Variants in MMRN1 observed in about 807,000 individuals in gnomAD.
MMRN1 encodes the protein multimerin 1, also known as multimerin-1.
Under a neutral mutation model 100.7 loss-of-function variants are expected in MMRN1, and 94 were observed. The ratio of observed to expected loss-of-function variants is 0.93; its 90% CI spans 0.79 to 1.11. MMRN1 has a LOEUF of 1.11. MMRN1 is among the 50% of genes least tolerant of loss of function. MMRN1 has a pLI of 0.00. For synonymous variants in MMRN1, 575 were observed against 505.0 expected, an observed-to-expected ratio of 1.14 and a Z score of -1.86; for missense variants, 1,606 against 1,439.1, an observed-to-expected ratio of 1.12 and a Z score of -1.88.
At chr4:89,899,122 A>T (rs1023176344) in intron 1 of MMRN1, among the ~76,000 whole-genome samples, 1 of 152,032 alleles carries the variant, frequency 6.6e-6, no homozygotes, top group South Asian at 2.1e-4. Context: ...ATTCTTAGTA[A>T]AAGGCGTATT....
intron 1 of MMRN1, among the ~76,000 whole-genome samples, chr4:89,884,243 T>A (rs543711993): frequency 2.6e-5 from 4 of 152,276 alleles, no homozygotes; most frequent in Admixed American, 1.3e-4. Flanking sequence ...AACAAAAATC[T>A]GCTAAGATTA....
chr4:89,924,369 A>T (rs1011876863), intron 4 of MMRN1, among the ~76,000 whole-genome samples: 1 of 152,152 alleles, frequency 6.6e-6, no homozygotes, highest in African/African-American at 2.4e-5. Flanking sequence ...CTAAGCTATT[A>T]TACTACTCTT....
rs1431944476 is a variant in MMRN1 at position 89,935,773 on chromosome 4, G to C, written c.2093G>C (p.Arg698Thr). Residue 698 changes from arginine (R) to threonine (T), a missense_variant, in exon 6 of 8, where the codon AGA becomes ACA. Coordinates refer to ENST00000264790, the MANE Select transcript of MMRN1 (RefSeq NM_007351.3). ...TTTATTATCAAAGAACTTACAAAAA[G>C]ACACAACTTACTTAGAAATGAAGTA... is the stretch of plus-strand genomic sequence containing the variant. The part of the protein sequence containing the change: ...LNFIIKELTK[R>T]HNLLRNEVQG... The C allele has an allele frequency of 1.2e-6, 2 of 1,612,540 alleles. No individual in the cohort carries two copies. Among genetic ancestry groups the C allele is most frequent in the South Asian group, 2.2e-5 (2 of 90,742 alleles).
intron 4 of MMRN1, among the ~76,000 whole-genome samples, chr4:89,923,822 A>C (rs982026604): frequency 2.6e-5 from 4 of 152,192 alleles, no homozygotes; most frequent in African/African-American, 9.7e-5. Flanking sequence ...TTTTACAAAC[A>C]TAAGGTTGGT....
At chr4:89,928,956 TA>T (rs1381446357) in intron 5 of MMRN1, among the ~76,000 whole-genome samples, 1 of 151,968 alleles carries the variant, frequency 6.6e-6, no homozygotes, top group African/African-American at 2.4e-5. Flanking sequence ...GTATAGTGAG[TA>T]ATTGTTATGA....
At chr4:89,914,205 A>G (rs1305110613) in intron 3 of MMRN1, among the ~76,000 whole-genome samples, 1 of 151,474 alleles carries the variant, frequency 6.6e-6, no homozygotes, top group African/African-American at 2.4e-5. Flanking sequence ...CAGCTCAGGA[A>G]TAAATTGGAG....
intron 3 of MMRN1, among the ~76,000 whole-genome samples, chr4:89,922,017 A>G (rs1250329628): frequency 6.6e-6 from 1 of 152,184 alleles, no homozygotes; most frequent in Non-Finnish European, 1.5e-5. Context: ...TAATGGATAA[A>G]TTTGTTTGTT....
intron 6 of MMRN1, among the ~76,000 whole-genome samples, chr4:89,949,211 C>G: frequency 6.6e-6 from 1 of 152,168 alleles, no homozygotes; most frequent in East Asian, 1.9e-4. Context: ...TTCTTAAGTT[C>G]TCCTTATAGC....
intron 1 of MMRN1, among the ~76,000 whole-genome samples, chr4:89,898,588 T>G (rs1721283580): frequency 6.6e-6 from 1 of 151,834 alleles, no homozygotes; most frequent in Admixed American, 6.6e-5. Context: ...GATGCCATCC[T>G]AGATCTGCCT....
intron 1 of MMRN1, among the ~76,000 whole-genome samples, chr4:89,888,513 TA>T (rs1340042753): frequency 6.6e-6 from 1 of 151,876 alleles, no homozygotes; most frequent in Non-Finnish European, 1.5e-5. Context: ...TATAAATCTT[TA>T]AAAAATTATC....
chr4:89,924,394 C>G (rs553788136), intron 4 of MMRN1, among the ~76,000 whole-genome samples: 7 of 152,048 alleles, frequency 4.6e-5, no homozygotes, highest in African/African-American at 1.7e-4. Context: ...AATTTCTACA[C>G]TTAGTCTTAA....
chr4:89,893,742 T>A (rs1721106685), upstream of MMRN1, among the ~76,000 whole-genome samples: 1 of 152,074 alleles, frequency 6.6e-6, no homozygotes. Context: ...AGAGAGTGCT[T>A]TGCACAGAAT....
At chr4:89,907,147 T>C (rs1721588847) in intron 1 of MMRN1, among the ~76,000 whole-genome samples, 2 of 151,492 alleles carry the variant, frequency 1.3e-5, no homozygotes, top group South Asian at 4.1e-4. Context: ...TTTTTAAAGA[T>C]CCCTTTATTG....
intron 4 of MMRN1, among the ~76,000 whole-genome samples, chr4:89,926,578 T>C (rs1437840881): frequency 6.6e-6 from 1 of 152,118 alleles, no homozygotes; most frequent in Non-Finnish European, 1.5e-5. Context: ...ATTCTGTGGG[T>C]TGTGTCTTGA....
intron 6 of MMRN1, among the ~76,000 whole-genome samples, chr4:89,945,823 T>C (rs1212711462): frequency 3.3e-5 from 5 of 152,092 alleles, no homozygotes; most frequent in Non-Finnish European, 7.4e-5. Context: ...TATGAAGGGT[T>C]GAGGAAAAAA....
upstream of MMRN1, among the ~76,000 whole-genome samples, chr4:89,892,016 C>T (rs1721066214): frequency 6.6e-6 from 1 of 151,726 alleles, no homozygotes; most frequent in African/African-American, 2.4e-5. Flanking sequence ...TTTCTTTTAA[C>T]TTAATAATCT....
intron 4 of MMRN1, among the ~76,000 whole-genome samples, chr4:89,923,559 C>T (rs1054366951): frequency 1.3e-5 from 2 of 152,134 alleles, no homozygotes; most frequent in Admixed American, 6.6e-5. Flanking sequence ...AAAATAAGAC[C>T]AAACTTTTGT....
At chr4:89,902,746 C>A (rs1369874303) in intron 1 of MMRN1, among the ~76,000 whole-genome samples, 2 of 151,962 alleles carry the variant, frequency 1.3e-5, no homozygotes, top group Admixed American at 1.3e-4. Flanking sequence ...AGGGTTTCTT[C>A]TTAAAGTCTA....
intron 6 of MMRN1, chr4:89,951,345 A>C: frequency 3.0e-6 from 1 of 333,792 alleles, no homozygotes. Flanking sequence ...TCTGCAGTTG[A>C]CAAGAATGTT....
Sources: gnomAD v4.1 joint callset for allele counts (sites outside exome capture counted in the v4.1 genomes callset) on GRCh38, gnomAD v4.1.1 for gene constraint, MANE v1.5 for transcripts, NCBI Gene and HGNC (gene_info 2026-07-23, HGNC 2026-07-21) for gene names.